Variants in COPG2 observed in about 807,000 individuals in gnomAD.
COPG2 encodes the protein coat protein complex I subunit gamma 2.
COPG2 carries 37 observed loss-of-function variants against 46.3 expected under a neutral mutation model. The observed-to-expected ratio is 0.80, with a 90% CI of 0.61 to 1.05. The LOEUF is 1.05. Ranked by LOEUF, COPG2 falls within the 50% of genes least tolerant of loss-of-function variation. The probability of loss-of-function intolerance (pLI) is 0.00; values close to 1 mark genes in which losing one functional copy is unlikely to be tolerated. For synonymous variants in COPG2, 159 were observed against 129.7 expected, an observed-to-expected ratio of 1.23 and a Z score of -1.53; for missense variants, 427 against 387.8, an observed-to-expected ratio of 1.10 and a Z score of -0.85.
chr7:130,554,971 G>A, intron 13 of COPG2, 66 bp downstream of exon 13: 1 of 397,998 alleles, frequency 2.5e-6, no homozygotes, highest in Admixed American at 4.4e-5. Flanking sequence ...AAACACTATG[G>A]TATTTCATGG....
At chr7:130,621,871 G>A (rs1273158287) in intron 5 of COPG2, among the ~76,000 whole-genome samples, 3 of 146,990 alleles carry the variant, frequency 2.0e-5, no homozygotes, top group Non-Finnish European at 4.5e-5. Flanking sequence ...TGGAACCCAG[G>A]AGATGGAGGT....
intron 6 of COPG2, among the ~76,000 whole-genome samples, chr7:130,616,076 T>C (rs1293854836): frequency 6.6e-6 from 1 of 152,228 alleles, no homozygotes; most frequent in Non-Finnish European, 1.5e-5. Context: ...AGGCTTTTTC[T>C]GGCTCTAGGA....
intron 3 of COPG2, among the ~76,000 whole-genome samples, chr7:130,665,393 T>A (rs1411083424): frequency 2.6e-5 from 4 of 152,206 alleles, no homozygotes; most frequent in African/African-American, 9.7e-5. Context: ...TCCGTCTGTA[T>A]GTGTATAGAC....
chr7:130,597,448 G>C (rs1794551007), intron 9 of COPG2, among the ~76,000 whole-genome samples: 1 of 152,138 alleles, frequency 6.6e-6, no homozygotes, highest in African/African-American at 2.4e-5. Flanking sequence ...ATATTATCTT[G>C]TCCATGTGTT....
chr7:130,522,264 G>A (rs1799729828), intron 20 of COPG2, among the ~76,000 whole-genome samples: 1 of 152,094 alleles, frequency 6.6e-6, no homozygotes, highest in African/African-American at 2.4e-5. Context: ...GAATAATAAT[G>A]AAAAGATAGG....
chr7:130,622,023 C>G (rs1261340835), intron 5 of COPG2, among the ~76,000 whole-genome samples: 1 of 151,616 alleles, frequency 6.6e-6, no homozygotes, highest in Non-Finnish European at 1.5e-5. Context: ...CTTGTCAACC[C>G]ATGTTCTATA....
chr7:130,610,200 C>T, intron 9 of COPG2: 2 of 443,556 alleles, frequency 4.5e-6, no homozygotes, highest in South Asian at 1.7e-5. Context: ...TAGAAAAGTG[C>T]AGGTCCTTTT....
At chr7:130,550,825 T>C (rs1032330355) in intron 16 of COPG2, among the ~76,000 whole-genome samples, 176 bp from the exon 17 acceptor site, 2 of 152,314 alleles carry the variant, frequency 1.3e-5, no homozygotes, top group African/African-American at 2.4e-5. Context: ...TATAAACTTA[T>C]AAACTGACTT....
Position 130,555,056 on chromosome 7 carries a change from G to C in COPG2, c.1205C>G (p.Ser402Cys). 2.5e-6 allele frequency: 1 copy of C among 398,460 alleles called. No homozygotes were observed. The highest frequency in any genetic ancestry group is 4.4e-6 in the Non-Finnish European group (1 of 225,980). The allele number at this position is 398,460 out of a possible 1,614,324, so 24.7% of individuals were successfully genotyped here. ...ACCTACATCATCTCGGAGCATGTTG[G>C]AGAGGAAAGTCATCATGACACTGTG... ...RKHSVMMTFL[S>C]NMLRDDGGFE... Residue 402 changes from serine (S) to cysteine (C), a missense_variant, in exon 13 of 24, where the codon TCC becomes TGC. Ser to Cys is a moderately radical substitution (Grantham distance 112). Coordinates refer to ENST00000425248, the MANE Select transcript of COPG2 (RefSeq NM_012133.6).
At position 130,506,522 on chromosome 7, in the gene COPG2, C is replaced by A; in HGVS notation, c.*154G>T. ...AAAACAACCCATGCGCAAAGATAGACATTTGCTTGATCTGCTGGCTCAGGG... is the reference window on the plus strand; with the variant it reads ...AAAACAACCCATGCGCAAAGATAGAAATTTGCTTGATCTGCTGGCTCAGGG... On this transcript the variant is annotated 3_prime_UTR_variant, in exon 24 of 24. Transcript: ENST00000425248. 13 of 443,064 alleles carry A rather than the reference C, an allele frequency of 2.9e-5. No homozygotes were observed. The highest frequency in any genetic ancestry group is 4.1e-5 in the South Asian group (1 of 24,434). The allele number at this position is 443,064 out of a possible 1,614,324, so 27.4% of individuals were successfully genotyped here.
intron 20 of COPG2, among the ~76,000 whole-genome samples, chr7:130,533,271 G>C (rs973816907): frequency 4.7e-5 from 7 of 150,492 alleles, no homozygotes; most frequent in Admixed American, 3.3e-4. Flanking sequence ...CAAGGAGAAA[G>C]AGACAGCCTG....
intron 5 of COPG2, among the ~76,000 whole-genome samples, chr7:130,622,231 T>C (rs889503328): frequency 7.9e-5 from 12 of 152,174 alleles, no homozygotes; most frequent in Non-Finnish European, 8.8e-5. Context: ...AGGAGCCTTA[T>C]GAAATACATC....
intron 9 of COPG2, chr7:130,603,822 C>A: frequency 1.9e-6 from 1 of 519,040 alleles, no homozygotes. Context: ...GTTAACAGTG[C>A]CAACCCCCAT....
rs971473609 is a variant in COPG2 at position 130,640,667 on chromosome 7, C to G, written c.323+12202G>C. Among the ~76,000 whole-genome samples the G allele has an allele frequency of 2.6e-5, 4 of 152,228 alleles. No individual in the cohort carries two copies. The East Asian group carries it at 7.7e-4, about 29-fold the overall frequency. ...AAAATAAGTGTTAATCCAAATAAAT[C>G]AGGAAAGTTGGCTTGCAAACTGGGC... is the stretch of plus-strand genomic sequence containing the variant. On this transcript the variant is annotated intron_variant, in intron 5 of 23. Coordinates refer to ENST00000425248, the MANE Select transcript of COPG2 (RefSeq NM_012133.6).
intron 4 of COPG2, among the ~76,000 whole-genome samples, chr7:130,662,488 G>C (rs782332489): frequency 1.3e-5 from 2 of 152,210 alleles, no homozygotes; most frequent in African/African-American, 2.4e-5. Flanking sequence ...GCAGCTGTAT[G>C]TTCTGAAGGT....
chr7:130,547,948 C>G, intron 19 of COPG2, 103 bp from the exon 20 acceptor site: 2 of 397,770 alleles, frequency 5.0e-6, no homozygotes, highest in Non-Finnish European at 8.9e-6. Flanking sequence ...TCTATCTCTA[C>G]AGAGCAGGGT....
intron 20 of COPG2, among the ~76,000 whole-genome samples, chr7:130,524,017 A>G (rs1002417386): frequency 6.6e-6 from 1 of 152,014 alleles, no homozygotes; most frequent in Non-Finnish European, 1.5e-5. Context: ...GCTGATGACA[A>G]AAGTGCTGTG....
chr7:130,562,018 G>A (rs1226121648), intron 11 of COPG2, among the ~76,000 whole-genome samples: 1 of 152,140 alleles, frequency 6.6e-6, no homozygotes, highest in Non-Finnish European at 1.5e-5. Flanking sequence ...AGACACATCT[G>A]GCCCCAAGAT....
chr7:130,651,608 C>A (rs536028113), intron 5 of COPG2, among the ~76,000 whole-genome samples: 1,673 of 142,270 alleles, frequency 0.012, 16 homozygotes, highest in Non-Finnish European at 0.017. Context: ...GCTCCGCTTC[C>A]CGGGTTCACG....
Sources: allele counts gnomAD v4.1 joint callset (sites outside exome capture counted in the v4.1 genomes callset), GRCh38; gene constraint gnomAD v4.1.1; transcripts MANE v1.5; gene names NCBI Gene and HGNC (gene_info 2026-07-23, HGNC 2026-07-21).